Variants in PLEKHA5 observed in about 807,000 individuals in gnomAD.
PLEKHA5 encodes the protein pleckstrin homology domain-containing family A member 5.
In PLEKHA5, 55 loss-of-function variants were observed where a neutral mutation model predicts 181.9. That is an observed-to-expected ratio of 0.30 (90% CI 0.24 to 0.38). The LOEUF (loss-of-function observed/expected upper bound fraction) is 0.38. PLEKHA5 is among the 10% of genes least tolerant of loss of function. The pLI is 1.00. For synonymous variants in PLEKHA5, 535 were observed against 529.4 expected (o/e 1.01, Z -0.15); for missense variants, 1,432 against 1,549.5 (o/e 0.92, Z 1.27).
At chr12:19,177,446 AG>A (rs2047577557) in intron 3 of PLEKHA5, among the ~76,000 whole-genome samples, 6 of 152,182 alleles carry the variant, frequency 3.9e-5, no homozygotes, top group Admixed American at 3.9e-4. Flanking sequence ...TTCATTTGAT[AG>A]ATAGGGAAAC....
chr12:19,309,612 G>A (rs2085638033), intron 15 of PLEKHA5, among the ~76,000 whole-genome samples: 1 of 151,944 alleles, frequency 6.6e-6, no homozygotes, highest in East Asian at 1.9e-4. Context: ...AAAAATTACT[G>A]GTAGGCGCCT....
At chr12:19,132,303 C>A in intron 2 of PLEKHA5, 90 bp from the exon 3 acceptor site, 1 of 731,618 alleles carries the variant, frequency 1.4e-6, no homozygotes, top group South Asian at 1.6e-5. Context: ...ATTAAAACAG[C>A]TAATAAATGA....
chr12:19,224,803 C>T (rs896380791), intron 3 of PLEKHA5, among the ~76,000 whole-genome samples: 12 of 152,034 alleles, frequency 7.9e-5, no homozygotes, highest in African/African-American at 2.7e-4. Context: ...ATACAGTATA[C>T]ACGTTCTAAA....
In PLEKHA5 at chr12:19,257,117, A is replaced by G. The variant is rs528273050; in HGVS notation, c.433-316A>G. Among the ~76,000 whole-genome samples the G allele has an allele frequency of 1.1e-4, 17 of 152,244 alleles. No homozygotes were observed. In the East Asian group the frequency reaches 2.7e-3, roughly 24 times the overall value. On this transcript the variant is annotated intron_variant, in intron 5 of 31. Coordinates refer to ENST00000429027, the MANE Select transcript of PLEKHA5 (RefSeq NM_001256470.2). Reference sequence around the variant, plus strand: ...GATCTGTTAACAGTTTTTACTCAAGATCTATTCATTTTATATAGCAGGTAG... The same window carrying G: ...GATCTGTTAACAGTTTTTACTCAAGGTCTATTCATTTTATATAGCAGGTAG...
At chr12:19,188,217 T>A (rs1055060356) in intron 3 of PLEKHA5, among the ~76,000 whole-genome samples, 6 of 152,214 alleles carry the variant, frequency 3.9e-5, no homozygotes, top group Non-Finnish European at 7.3e-5. Context: ...GTGTCCAGAC[T>A]AGAATTTTAC....
At chr12:19,210,116 G>A (rs1340357833) in intron 3 of PLEKHA5, among the ~76,000 whole-genome samples, 3 of 152,034 alleles carry the variant, frequency 2.0e-5, no homozygotes, top group Non-Finnish European at 4.4e-5. Context: ...AAATTCTTAG[G>A]GCTCTCAGTT....
At chr12:19,332,667 T>C (rs948269875) in intron 20 of PLEKHA5, among the ~76,000 whole-genome samples, 1 of 152,154 alleles carries the variant, frequency 6.6e-6, no homozygotes, top group Non-Finnish European at 1.5e-5. Context: ...GAGTTTTGCC[T>C]ATTTTTGAAC....
intron 3 of PLEKHA5, among the ~76,000 whole-genome samples, chr12:19,160,762 TATA>T (rs1404777365): frequency 2.0e-5 from 3 of 152,038 alleles, no homozygotes; most frequent in African/African-American, 7.2e-5. Flanking sequence ...AACTTTTTTA[TATA>T]ATAATAAACA....
At chr12:19,208,759 A>G (rs1460560906) in intron 3 of PLEKHA5, among the ~76,000 whole-genome samples, 1 of 152,180 alleles carries the variant, frequency 6.6e-6, no homozygotes, top group Non-Finnish European at 1.5e-5. Context: ...TTAGCTACTT[A>G]AGAGCCTGAG....
chr12:19,263,157 A>G (rs537390428), intron 7 of PLEKHA5, among the ~76,000 whole-genome samples: 3 of 151,272 alleles, frequency 2.0e-5, no homozygotes, highest in South Asian at 2.1e-4. Context: ...TTTCAGTGAG[A>G]TCATAATAGC....
At chr12:19,248,932 A>G (rs1209599210) in intron 3 of PLEKHA5, among the ~76,000 whole-genome samples, 1 of 152,254 alleles carries the variant, frequency 6.6e-6, no homozygotes, top group Non-Finnish European at 1.5e-5. Context: ...AATAACATTT[A>G]TCAAGTGCTT....
At chr12:19,278,298 A>G (rs1031269397) in intron 11 of PLEKHA5, among the ~76,000 whole-genome samples, 4 of 152,176 alleles carry the variant, frequency 2.6e-5, no homozygotes, top group Non-Finnish European at 4.4e-5. Context: ...ATACGTCTCT[A>G]CAACAGGGTC....
intron 25 of PLEKHA5, among the ~76,000 whole-genome samples, chr12:19,351,407 T>A (rs1278470483): frequency 6.6e-6 from 1 of 152,158 alleles, no homozygotes. Flanking sequence ...AGCTTTTTTT[T>A]AAGCATATAC....
At position 19,247,781 on chromosome 12, in the gene PLEKHA5, G is replaced by A. The variant is rs1398506223; in HGVS notation, c.228-6159G>A. Among the ~76,000 whole-genome samples the A allele has an allele frequency of 4.6e-5, 7 of 151,654 alleles. No homozygotes were observed. The South Asian group carries it at 1.2e-3, about 27-fold the overall frequency. ...AAAAAAAAAAAAGGTAGGGGGTGAG[G>A]GCATTCGTTCATTTTATGCTGACCT... On this transcript the variant is annotated intron_variant, in intron 3 of 31. Transcript: ENST00000429027.
chr12:19,325,092 C>G (rs1305332192), intron 20 of PLEKHA5, among the ~76,000 whole-genome samples: 1 of 152,334 alleles, frequency 6.6e-6, no homozygotes, highest in Non-Finnish European at 1.5e-5. Flanking sequence ...TTAAAAATAT[C>G]TTAATAGAAA....
At chr12:19,334,443 T>A (rs2093155870) in intron 20 of PLEKHA5, among the ~76,000 whole-genome samples, 2 of 152,194 alleles carry the variant, frequency 1.3e-5, no homozygotes, top group African/African-American at 4.8e-5. Flanking sequence ...AATGTTCTTA[T>A]ACTTAAATGC....
chr12:19,304,458 T>C (rs573177394), intron 15 of PLEKHA5, among the ~76,000 whole-genome samples: 1 of 152,330 alleles, frequency 6.6e-6, no homozygotes, highest in African/African-American at 2.4e-5. Context: ...ATATTTGTGT[T>C]TACTTAGTTT....
intron 11 of PLEKHA5, among the ~76,000 whole-genome samples, chr12:19,281,845 G>T (rs77516327): frequency 6.6e-6 from 1 of 151,814 alleles, no homozygotes; most frequent in Non-Finnish European, 1.5e-5. Flanking sequence ...GCACTGGCGC[G>T]ATCTTGTCTC....
intron 3 of PLEKHA5, among the ~76,000 whole-genome samples, chr12:19,241,049 A>C (rs1399051549): frequency 6.6e-6 from 1 of 152,186 alleles, no homozygotes; most frequent in Non-Finnish European, 1.5e-5. Context: ...TTCCTTATTC[A>C]TTAAATTACA....
Sources: gnomAD v4.1 joint callset for allele counts (sites outside exome capture counted in the v4.1 genomes callset) on GRCh38, gnomAD v4.1.1 for gene constraint, MANE v1.5 for transcripts, NCBI Gene and HGNC (gene_info 2026-07-23, HGNC 2026-07-21) for gene names.